Variants in ARHGAP42 observed in about 807,000 individuals in gnomAD.
The protein encoded by ARHGAP42 is Rho GTPase activating protein 42.
Under a neutral mutation model 125.0 loss-of-function variants are expected in ARHGAP42, and 63 were observed. The observed-to-expected ratio is 0.50, with a 90% confidence interval of 0.41 to 0.62. ARHGAP42 has a LOEUF of 0.62. ARHGAP42 is among the 20% of genes least tolerant of loss of function. The pLI, the probability that ARHGAP42 is intolerant of heterozygous loss-of-function variation, is 0.00. For synonymous variants in ARHGAP42, 339 were observed against 351.0 expected, an observed-to-expected ratio of 0.97 and a Z score of 0.38; for missense variants, 766 against 1,024.2, an observed-to-expected ratio of 0.75 and a Z score of 3.44.
chr11:100,914,386 A>G (rs746388200), intron 5 of ARHGAP42, among the ~76,000 whole-genome samples: 2 of 152,152 alleles, frequency 1.3e-5, no homozygotes, highest in Non-Finnish European at 2.9e-5. Flanking sequence ...TTTTAACTAT[A>G]ATTCATAAAA....
chr11:100,919,780 C>T (rs1430430502), intron 5 of ARHGAP42, among the ~76,000 whole-genome samples: 1 of 152,144 alleles, frequency 6.6e-6, no homozygotes, highest in African/African-American at 2.4e-5. Flanking sequence ...TGAAAATATT[C>T]TTGCAGCCCT....
At chr11:100,772,825 G>T (rs754118904) in intron 2 of ARHGAP42, among the ~76,000 whole-genome samples, 2 of 152,136 alleles carry the variant, frequency 1.3e-5, no homozygotes, top group Non-Finnish European at 2.9e-5. Context: ...TTACGTAACA[G>T]TTATTTTCAC....
intron 10 of ARHGAP42, among the ~76,000 whole-genome samples, chr11:100,947,062 T>C (rs1193876093): frequency 1.3e-5 from 2 of 151,996 alleles, no homozygotes; most frequent in Non-Finnish European, 2.9e-5. Flanking sequence ...ACTAAGTTTC[T>C]CCTTGTTTCT....
At chr11:100,769,446 A>G (rs78598508) in intron 1 of ARHGAP42, among the ~76,000 whole-genome samples, 3,991 of 152,220 alleles carry the variant, frequency 0.026, 70 homozygotes, top group Non-Finnish European at 0.032. Flanking sequence ...CAGCCCATAA[A>G]TAAAGAATTC....
At chr11:100,696,216 C>A (rs891867669) in intron 1 of ARHGAP42, among the ~76,000 whole-genome samples, 2 of 151,876 alleles carry the variant, frequency 1.3e-5, no homozygotes, top group African/African-American at 4.8e-5. Flanking sequence ...CAGAGCAAGA[C>A]CCTGTGTCAA....
chr11:100,820,661 A>G (rs1292579517), intron 3 of ARHGAP42, among the ~76,000 whole-genome samples: 4 of 152,176 alleles, frequency 2.6e-5, no homozygotes, highest in South Asian at 4.1e-4. Flanking sequence ...CTATAATAGT[A>G]TACTGGGACC....
intron 1 of ARHGAP42, among the ~76,000 whole-genome samples, chr11:100,753,083 G>A (rs1862496424): frequency 6.6e-6 from 1 of 152,178 alleles, no homozygotes; most frequent in Non-Finnish European, 1.5e-5. Flanking sequence ...AGGTTGAGGG[G>A]CAAAGCCAGG....
At chr11:100,764,662 T>C (rs933727096) in intron 1 of ARHGAP42, among the ~76,000 whole-genome samples, 1 of 152,172 alleles carries the variant, frequency 6.6e-6, no homozygotes, top group Non-Finnish European at 1.5e-5. Context: ...AAAGCCACAT[T>C]AGGGGCTTGT....
chr11:100,885,165 G>A (rs960820491), intron 4 of ARHGAP42, among the ~76,000 whole-genome samples: 2 of 152,144 alleles, frequency 1.3e-5, no homozygotes, highest in Non-Finnish European at 2.9e-5. Context: ...GTTCCCTGTG[G>A]CACTAGTTTG....
intron 17 of ARHGAP42, among the ~76,000 whole-genome samples, chr11:100,966,029 T>G (rs1481888476): frequency 1.3e-5 from 2 of 152,168 alleles, no homozygotes; most frequent in African/African-American, 2.4e-5. Context: ...ATGAAACAAT[T>G]AGATGTGTCA....
intron 3 of ARHGAP42, among the ~76,000 whole-genome samples, chr11:100,832,854 G>A (rs1481476243): frequency 6.6e-6 from 1 of 152,204 alleles, no homozygotes; most frequent in African/African-American, 2.4e-5. Context: ...CAAAAAGGCT[G>A]AACCTGAATC....
intron 4 of ARHGAP42, among the ~76,000 whole-genome samples, chr11:100,879,509 T>A (rs1482917554): frequency 6.6e-6 from 1 of 152,232 alleles, no homozygotes; most frequent in Non-Finnish European, 1.5e-5. Context: ...GTTTGTTGTC[T>A]GTTGGCTAAA....
At position 100,913,436 on chromosome 11, in the gene ARHGAP42, T is replaced by C; in HGVS notation, c.385-16T>C. 2 of 1,190,452 alleles carry C rather than the reference T, an allele frequency of 1.7e-6. No homozygotes were observed. The highest frequency in any genetic ancestry group is 2.2e-6 in the Non-Finnish European group (2 of 916,908). The allele number at this position is 1,190,452 out of a possible 1,614,324, so 73.7% of individuals were successfully genotyped here. On this transcript the variant is annotated splice_polypyrimidine_tract_variant and intron_variant, in intron 4 of 23. Transcript: ENST00000298815. The stretch of plus-strand genomic sequence containing the variant: ...CTCTGAGTTAAATATTTTTTGTTGT[T>C]ATTGCTCTCCTTTAGGATGGAAAGA...
At chr11:100,986,000 T>C in intron 22 of ARHGAP42, 2 of 456,288 alleles carry the variant, frequency 4.4e-6, no homozygotes, top group Admixed American at 4.7e-5. Flanking sequence ...TAAGGTGCCC[T>C]GAATCTTTAA....
chr11:100,923,807 C>T (rs967896913), intron 6 of ARHGAP42, among the ~76,000 whole-genome samples: 2 of 152,084 alleles, frequency 1.3e-5, no homozygotes, highest in African/African-American at 4.8e-5. Flanking sequence ...CCTAGTAGAG[C>T]ATCTGGCCAA....
intron 1 of ARHGAP42, among the ~76,000 whole-genome samples, chr11:100,759,532 T>G (rs2120354456): frequency 6.6e-6 from 1 of 152,242 alleles, no homozygotes; most frequent in Middle Eastern, 3.4e-3. Context: ...CACCTTGCTG[T>G]TCAGGGAGAG....
chr11:100,711,534 T>C (rs971674135), intron 1 of ARHGAP42, among the ~76,000 whole-genome samples: 1 of 152,096 alleles, frequency 6.6e-6, no homozygotes, highest in Non-Finnish European at 1.5e-5. Flanking sequence ...TTTTGTCTAC[T>C]TTCTTTAGAC....
intron 5 of ARHGAP42, 108 bp from the exon 6 acceptor site, chr11:100,921,386 G>T (rs1591296967): frequency 1.3e-6 from 1 of 776,528 alleles, no homozygotes; most frequent in Non-Finnish European, 2.1e-6. Flanking sequence ...AATAAGTGCT[G>T]TGTTAAACTT....
At chr11:100,972,566 A>G (rs908082453) in intron 17 of ARHGAP42, among the ~76,000 whole-genome samples, 1 of 148,414 alleles carries the variant, frequency 6.7e-6, no homozygotes, top group Non-Finnish European at 1.5e-5. Context: ...AAGAGAAAGA[A>G]AAGAAACATG....
Sources: allele counts gnomAD v4.1 joint callset (sites outside exome capture counted in the v4.1 genomes callset), GRCh38; gene constraint gnomAD v4.1.1; transcripts MANE v1.5; gene names NCBI Gene and HGNC (gene_info 2026-07-23, HGNC 2026-07-21).